Variants in EPHB2 observed in about 807,000 individuals in gnomAD.
The protein encoded by EPHB2 is EPH receptor B2, also known as ephrin type-B receptor 2.
A neutral mutation model predicts 96.4 loss-of-function variants in EPHB2; 18 were observed. The ratio of observed to expected loss-of-function variants is 0.19; its 90% CI spans 0.13 to 0.28. The LOEUF (loss-of-function observed/expected upper bound fraction) is 0.28. Among genes scored for constraint, EPHB2 ranks in the 10% least tolerant of loss-of-function variants. The pLI is 1.00. For missense variants in EPHB2, 989 were observed against 1,355.4 expected (o/e 0.73, Z 4.25); for synonymous variants, 506 against 534.1 (o/e 0.95, Z 0.72).
At position 22,793,789 on chromosome 1, in the gene EPHB2, A is replaced by G. The variant is rs891193357; in HGVS notation, c.811+8713A>G. On this transcript the variant is annotated intron_variant, in intron 3 of 15. Transcript: ENST00000374630. ...AACTTCTGTTGGTATTATTAGCTCT[A>G]TTTTACAAATGATGAGACTGAGGCC... Among the ~76,000 whole-genome samples, 35 of 152,198 alleles carry G rather than the reference A, an allele frequency of 2.3e-4. 1 individual carries two copies. Among genetic ancestry groups the G allele is most frequent in the Middle Eastern group, 6.8e-3 (2 of 294 alleles).
At chr1:22,911,178 ATAAT>A (rs1053950037) in intron 14 of EPHB2, among the ~76,000 whole-genome samples, 24 of 151,194 alleles carry the variant, frequency 1.6e-4, no homozygotes, top group African/African-American at 5.6e-4. Context: ...AAATAAATAA[ATAAT>A]TACCAAAGGA....
In EPHB2 at chr1:22,870,653, A is replaced by G. The variant is rs528181442; in HGVS notation, c.1303+5441A>G. Among the ~76,000 whole-genome samples, 4 of 152,300 alleles carry G rather than the reference A, an allele frequency of 2.6e-5. No individual in the cohort carries two copies. The South Asian group carries it at 8.3e-4, about 32-fold the overall frequency. The stretch of plus-strand genomic sequence containing the variant: ...AGCATTTCACTGATCCCGGGCTTCT[A>G]TCCAGCGCCCTTGGCCATTCTCCAG... On this transcript the variant is annotated intron_variant, in intron 5 of 15. Transcript: ENST00000374630.
At chr1:22,835,437 T>TACACACATATGTGTACAGAG (rs1199679215) in intron 3 of EPHB2, among the ~76,000 whole-genome samples, 1 of 151,614 alleles carries the variant, frequency 6.6e-6, no homozygotes, top group Non-Finnish European at 1.5e-5. Flanking sequence ...TGTACACACA[T>TACACACATATGTGTACAGAG]ACACACATAT....
At chr1:22,852,149 G>T (rs887122361) in intron 3 of EPHB2, among the ~76,000 whole-genome samples, 1 of 152,234 alleles carries the variant, frequency 6.6e-6, no homozygotes, top group Non-Finnish European at 1.5e-5. Context: ...CTACCCCAGT[G>T]CCTAGCACGT....
intron 5 of EPHB2, among the ~76,000 whole-genome samples, chr1:22,881,951 G>C (rs1277048192): frequency 6.6e-6 from 1 of 152,164 alleles, no homozygotes; most frequent in African/African-American, 2.4e-5. Flanking sequence ...CTGACTGCTT[G>C]TCTCTTCATC....
intron 6 of EPHB2, among the ~76,000 whole-genome samples, chr1:22,885,153 C>T (rs147737902): frequency 1.3e-5 from 2 of 152,242 alleles, no homozygotes; most frequent in Non-Finnish European, 2.9e-5. Flanking sequence ...CAGCCGCTCC[C>T]AGGCTCTGCA....
chr1:22,842,840 A>C (rs1645489569), intron 3 of EPHB2, among the ~76,000 whole-genome samples: 2 of 145,844 alleles, frequency 1.4e-5, no homozygotes, highest in African/African-American at 5.1e-5. Flanking sequence ...TCCCCCTCTA[A>C]CTCCCCCTAA....
chr1:22,857,683 G>T (rs1432814308), intron 3 of EPHB2, among the ~76,000 whole-genome samples: 1 of 152,164 alleles, frequency 6.6e-6, no homozygotes, highest in Non-Finnish European at 1.5e-5. Context: ...AGGAATGTGA[G>T]CCTGATGATG....
intron 1 of EPHB2, among the ~76,000 whole-genome samples, chr1:22,760,379 G>A (rs1570229990): frequency 6.6e-6 from 1 of 152,154 alleles, no homozygotes; most frequent in Non-Finnish European, 1.5e-5. Context: ...ATGGTAGTGG[G>A]GGCCTGGATT....
chr1:22,832,819 CAATA>C (rs1206149642), intron 3 of EPHB2, among the ~76,000 whole-genome samples: 1 of 152,082 alleles, frequency 6.6e-6, no homozygotes, highest in Non-Finnish European at 1.5e-5. Flanking sequence ...AGAGGGGGTA[CAATA>C]AATATTTTGT....
At chr1:22,801,934 C>T (rs978308789) in intron 3 of EPHB2, among the ~76,000 whole-genome samples, 1 of 152,224 alleles carries the variant, frequency 6.6e-6, no homozygotes, top group Non-Finnish European at 1.5e-5. Flanking sequence ...GAGTGACAGC[C>T]GCGCCGAATC....
intron 1 of EPHB2, among the ~76,000 whole-genome samples, chr1:22,714,950 C>T (rs149321688): frequency 1.3e-5 from 2 of 152,276 alleles, no homozygotes; most frequent in African/African-American, 2.4e-5. Context: ...TGAAACCCAT[C>T]GCCACCTGAA....
chr1:22,815,471 C>G (rs1315235052), intron 3 of EPHB2, among the ~76,000 whole-genome samples: 1 of 152,338 alleles, frequency 6.6e-6, no homozygotes, highest in East Asian at 1.9e-4. Context: ...TCCCTCCAGG[C>G]CACCATGAAG....
chr1:22,768,098 A>G (rs1331641441), intron 1 of EPHB2, among the ~76,000 whole-genome samples: 2 of 152,166 alleles, frequency 1.3e-5, no homozygotes, highest in African/African-American at 4.8e-5. Context: ...TCCTGGAGCC[A>G]AGCGTTACTG....
At chr1:22,757,700 A>G (rs1472906432) in intron 1 of EPHB2, among the ~76,000 whole-genome samples, 4 of 152,070 alleles carry the variant, frequency 2.6e-5, no homozygotes, top group African/African-American at 9.7e-5. Flanking sequence ...TGTCTCTACA[A>G]AAAATAAAAA....
At chr1:22,865,686 G>A (rs1018422015) in intron 5 of EPHB2, among the ~76,000 whole-genome samples, 2 of 152,182 alleles carry the variant, frequency 1.3e-5, no homozygotes, top group Non-Finnish European at 2.9e-5. Flanking sequence ...AATGATGTTT[G>A]AAGCAAGGTA....
chr1:22,908,025 C>T lies in EPHB2; in HGVS notation c.2209C>T (p.Leu737=). ...GGGCATCGCAGCTGGCATGAAGTAC[C>T]TGGCAGACATGAACTATGTTCACCG... ...LRGIAAGMKY[L]ADMNYVHRDL... is the part of the protein sequence containing the mutation. The change falls in exon 12 of 16, where the codon CTG becomes TTG. Residue 737 remains leucine, a synonymous_variant. Coordinates refer to ENST00000374630, the MANE Select transcript of EPHB2 (RefSeq NM_017449.5). 6.2e-7 allele frequency: 1 copy of T among 1,614,250 alleles called. No individual in the cohort carries two copies. Among genetic ancestry groups the T allele is most frequent in the South Asian group, 1.1e-5 (1 of 91,088 alleles).
intron 6 of EPHB2, among the ~76,000 whole-genome samples, chr1:22,883,974 C>G (rs1032318628): frequency 2.6e-5 from 4 of 151,994 alleles, no homozygotes; most frequent in Non-Finnish European, 5.9e-5. Context: ...TGCCGTCCCC[C>G]CACCCACCCA....
At chr1:22,824,593 TG>T (rs1557696851) in intron 3 of EPHB2, among the ~76,000 whole-genome samples, 1 of 152,326 alleles carries the variant, frequency 6.6e-6, no homozygotes, top group East Asian at 1.9e-4. Context: ...AGGCTGGGCC[TG>T]CCATTGGGCA....
Sources: allele counts gnomAD v4.1 joint callset (sites outside exome capture counted in the v4.1 genomes callset), GRCh38; gene constraint gnomAD v4.1.1; transcripts MANE v1.5; gene names NCBI Gene and HGNC (gene_info 2026-07-23, HGNC 2026-07-21).